The following PARP9 variants were observed in gnomAD, a reference collection of about 807,000 sequenced individuals.
PARP9 encodes the protein poly(ADP-ribose) polymerase family member 9, also known as protein mono-ADP-ribosyltransferase PARP9.
A neutral mutation model predicts 68.8 loss-of-function variants in PARP9; 48 were observed. That is an observed-to-expected ratio of 0.70 (90% CI 0.55 to 0.89). PARP9 has a LOEUF of 0.89. Among genes scored for constraint, PARP9 ranks in the 40% least tolerant of loss-of-function variants. The pLI, the probability that PARP9 is intolerant of heterozygous loss-of-function variation, is 0.00. For missense variants in PARP9, 806 were observed against 969.3 expected (o/e 0.83, Z 2.24); for synonymous variants, 309 against 333.8 (o/e 0.93, Z 0.81).
chr3:122,556,446 T>A (rs1168411983), intron 3 of PARP9, among the ~76,000 whole-genome samples: 3 of 152,188 alleles, frequency 2.0e-5, no homozygotes, highest in East Asian at 3.8e-4. Flanking sequence ...TGTGAATTTT[T>A]AAAAATATAT....
intron 5 of PARP9, among the ~76,000 whole-genome samples, 158 bp from the exon 6 acceptor site, chr3:122,550,960 G>C (rs1028169647): frequency 9.2e-5 from 14 of 152,136 alleles, no homozygotes; most frequent in Admixed American, 6.5e-4. Context: ...ACTCCAGAGG[G>C]AACCCATTAT....
At chr3:122,549,227 A>G (rs975045808) in intron 6 of PARP9, among the ~76,000 whole-genome samples, 1 of 152,162 alleles carries the variant, frequency 6.6e-6, no homozygotes, top group East Asian at 1.9e-4. Context: ...TGTTAGCTAC[A>G]CTGGTCTCAA....
intron 10 of PARP9, chr3:122,533,675 C>A: frequency 1.0e-6 from 1 of 984,718 alleles, no homozygotes; most frequent in Non-Finnish European, 1.2e-6. Flanking sequence ...TAATAAATAC[C>A]TGTGGAACAA....
At position 122,555,478 on chromosome 3, in the gene PARP9, C is replaced by A. The variant is rs772239184; in HGVS notation, c.693G>T (p.Lys231Asn). 2 of 1,614,058 alleles carry A rather than the reference C, an allele frequency of 1.2e-6. No individual in the cohort carries two copies. Among genetic ancestry groups the A allele is most frequent in the African/African-American group, 2.7e-5 (2 of 74,914 alleles). ...VETIRVSLQG[K>N]PMMSNLKEIH... Reference sequence around the variant, plus strand: ...TTTCTTTCAAATTACTCATCATTGGCTTCCCTTGCAAACTAACCCGGATAG... The same window carrying A: ...TTTCTTTCAAATTACTCATCATTGGATTCCCTTGCAAACTAACCCGGATAG... The change falls in exon 4 of 11, where the codon AAG (lysine) becomes AAT (asparagine). Residue 231 changes from lysine (K) to asparagine (N), a missense_variant. Coordinates refer to ENST00000682323, the MANE Select transcript of PARP9 (RefSeq NM_001146105.2).
At chr3:122,530,610 C>T (rs2077242076) in intron 10 of PARP9, among the ~76,000 whole-genome samples, 1 of 152,142 alleles carries the variant, frequency 6.6e-6, no homozygotes, top group Non-Finnish European at 1.5e-5. Flanking sequence ...TCTGACCTCA[C>T]TTAGAGGGAA....
chr3:122,539,507 A>ATCTCTTTCTTTCTTTCTTTCTTTC (rs1008859984), intron 8 of PARP9, among the ~76,000 whole-genome samples: 1 of 133,162 alleles, frequency 7.5e-6, no homozygotes, highest in African/African-American at 2.9e-5. Context: ...CCAAGATGGC[A>ATCTCTTTCTTTCTTTCTTTCTTTC]TTTCTTTCTT....
rs371692688 is a variant in PARP9, at chr3:122,552,544, C to T, written c.981G>A (p.Ser327=). The T allele has an allele frequency of 1.5e-4, 243 of 1,613,890 alleles. No individual in the cohort carries two copies. The highest frequency in any genetic ancestry group is 1.6e-4 in the Middle Eastern group (1 of 6,080). ...ILQQAGVEMK[S]EFLATKAKQF... Reference sequence around the variant, plus strand: ...GTTTAGCCTTTGTGGCAAGAAATTCCGATTTCATTTCAACTCCTGCTTGTT... The same window carrying T: ...GTTTAGCCTTTGTGGCAAGAAATTCTGATTTCATTTCAACTCCTGCTTGTT... The change falls in exon 5 of 11, where the codon TCG becomes TCA. Residue 327 remains serine (S), a synonymous_variant. Coordinates refer to ENST00000682323, the MANE Select transcript of PARP9 (RefSeq NM_001146105.2).
chr3:122,558,384 G>C, intron 3 of PARP9, 50 bp downstream of exon 3: 1 of 1,614,112 alleles, frequency 6.2e-7, no homozygotes, highest in Non-Finnish European at 8.5e-7. Context: ...ACTGAGGAAA[G>C]ATCTGAGCAA....
At chr3:122,557,983 T>C (rs59528352) in intron 3 of PARP9, among the ~76,000 whole-genome samples, 3,204 of 152,358 alleles carry the variant, frequency 0.021, 56 homozygotes, top group South Asian at 0.1. Context: ...CTCCCATTTC[T>C]AATCTGAGTC....
In PARP9 at chr3:122,552,521, T is replaced by TTC. The variant is rs1446546950; in HGVS notation, c.1003_1004insGA (p.Lys335ArgfsTer38). The stretch of plus-strand genomic sequence containing the variant: ...TACCAACTGGGACCGTTGAAACTGT[T>TTC]TAGCCTTTGTGGCAAGAAATTCCGA... On this transcript the variant is annotated frameshift_variant, in exon 5 of 11. Transcript: ENST00000682323. LOFTEE classifies it high-confidence loss of function. 6.2e-7 allele frequency: 1 copy of TTC among 1,614,164 alleles called. No homozygotes were observed. Among genetic ancestry groups the TTC allele is most frequent in the East Asian group, 2.2e-5 (1 of 44,876 alleles).
At chr3:122,546,819 A>G (rs958483629) in intron 6 of PARP9, among the ~76,000 whole-genome samples, 16 of 151,832 alleles carry the variant, frequency 1.1e-4, no homozygotes, top group Admixed American at 6.6e-4. Context: ...TGGTTTGGCC[A>G]TGTAACTAGC....
At chr3:122,562,383 C>T (rs1295417467) in intron 1 of PARP9, among the ~76,000 whole-genome samples, 6 of 149,646 alleles carry the variant, frequency 4.0e-5, no homozygotes, top group African/African-American at 1.5e-4. Flanking sequence ...TTAGTAGAGA[C>T]GGGGTTTCAC....
At chr3:122,551,922 T>C (rs932399359) in intron 5 of PARP9, among the ~76,000 whole-genome samples, 2 of 152,004 alleles carry the variant, frequency 1.3e-5, no homozygotes, top group African/African-American at 4.8e-5. Flanking sequence ...AACTTCTTTG[T>C]TGTTTTGTTT....
At chr3:122,538,513 T>C (rs969985639) in intron 8 of PARP9, among the ~76,000 whole-genome samples, 52 of 152,330 alleles carry the variant, frequency 3.4e-4, no homozygotes, top group African/African-American at 1.2e-3. Context: ...TGCCTGAACC[T>C]CTAAGGCTTC....
chr3:122,540,140 T>C (rs2078081126), intron 8 of PARP9, among the ~76,000 whole-genome samples: 1 of 152,210 alleles, frequency 6.6e-6, no homozygotes, highest in Admixed American at 6.5e-5. Flanking sequence ...TACACTTGAG[T>C]GCTGCATCTG....
At chr3:122,547,089 T>C (rs2078796715) in intron 6 of PARP9, among the ~76,000 whole-genome samples, 1 of 125,624 alleles carries the variant, frequency 8.0e-6, no homozygotes, top group South Asian at 2.6e-4. Flanking sequence ...CACACACATA[T>C]ATATATACAC....
At chr3:122,529,620 T>C (rs991325024) in intron 10 of PARP9, among the ~76,000 whole-genome samples, 2 of 151,374 alleles carry the variant, frequency 1.3e-5, no homozygotes, top group African/African-American at 4.9e-5. Context: ...CGGGCGCAGT[T>C]GGGGGCGCCT....
Position 122,559,666 on chromosome 3 carries a change from G to A in PARP9, c.-46C>T, listed in dbSNP as rs371535869. 28 of 1,555,360 alleles carry A rather than the reference G, an allele frequency of 1.8e-5. 1 individual carries two copies. In the South Asian group the frequency reaches 2.2e-4, roughly 12 times the overall value. On this transcript the variant is annotated 5_prime_UTR_variant, in exon 2 of 11. Transcript: ENST00000682323. Reference sequence around the variant, plus strand: ...TCTTTAAATGTTTATTCCCTTTTGCGCTTCAAAGCATAGACTGTAGTTTCC... The same window carrying A: ...TCTTTAAATGTTTATTCCCTTTTGCACTTCAAAGCATAGACTGTAGTTTCC...
intron 10 of PARP9, among the ~76,000 whole-genome samples, chr3:122,529,630 T>A (rs1196834343): frequency 6.6e-6 from 1 of 151,756 alleles, no homozygotes; most frequent in Non-Finnish European, 1.5e-5. Flanking sequence ...TGGGGGCGCC[T>A]GTAGTCCCAG....
Sources: allele counts gnomAD v4.1 joint callset (sites outside exome capture counted in the v4.1 genomes callset), GRCh38; gene constraint gnomAD v4.1.1; transcripts MANE v1.5; gene names NCBI Gene and HGNC (gene_info 2026-07-23, HGNC 2026-07-21).